ROBO2: variants seen among roughly 807,000 people sequenced by gnomAD.
ROBO2 encodes the protein roundabout guidance receptor 2.
Under a neutral mutation model 160.8 loss-of-function variants are expected in ROBO2, and 53 were observed. That is an observed-to-expected ratio of 0.33 (90% CI 0.26 to 0.41). The LOEUF (loss-of-function observed/expected upper bound fraction) is 0.41. ROBO2 is among the 10% of genes least tolerant of loss of function. The probability of loss-of-function intolerance (pLI) is 1.00; values close to 1 mark genes in which losing one functional copy is unlikely to be tolerated. For synonymous variants in ROBO2, 664 were observed against 611.7 expected (o/e 1.09, Z -1.26); for missense variants, 1,577 against 1,722.4 (o/e 0.92, Z 1.49).
intron 16 of ROBO2, among the ~76,000 whole-genome samples, 182 bp from the exon 18 acceptor site, chr3:77,588,569 C>T (rs563425586): frequency 6.6e-6 from 1 of 152,196 alleles, no homozygotes; most frequent in South Asian, 2.1e-4. Context: ...CATTTGCAAA[C>T]TCACGATTTG....
intron 2 of ROBO2, among the ~76,000 whole-genome samples, chr3:76,371,540 T>C (rs2076101403): frequency 6.6e-6 from 1 of 151,918 alleles, no homozygotes; most frequent in Non-Finnish European, 1.5e-5. Context: ...ACATACTGTA[T>C]TGACTGCACA....
At chr3:77,632,691 G>A (rs1404018414) in intron 23 of ROBO2, 1 of 1,503,972 alleles carries the variant, frequency 6.6e-7, no homozygotes, top group African/African-American at 1.4e-5. Context: ...CTTTGCATGA[G>A]AGAATCTTGT....
At chr3:76,008,328 G>C (rs1305800025) in intron 2 of ROBO2, among the ~76,000 whole-genome samples, 2 of 150,810 alleles carry the variant, frequency 1.3e-5, no homozygotes, top group Non-Finnish European at 2.9e-5. Context: ...TCTAATTTGT[G>C]CTTTTCTTTT....
intron 2 of ROBO2, among the ~76,000 whole-genome samples, chr3:76,296,446 C>T (rs1395278893): frequency 6.6e-6 from 1 of 152,198 alleles, no homozygotes; most frequent in Admixed American, 6.5e-5. Context: ...TCCATGAGTA[C>T]AGATGAGAAT....
intron 2 of ROBO2, among the ~76,000 whole-genome samples, chr3:76,073,217 A>G (rs191583956): frequency 6.8e-6 from 1 of 147,626 alleles, no homozygotes; most frequent in Non-Finnish European, 1.5e-5. Flanking sequence ...TAATTTCTTT[A>G]AACACTTAAT....
At chr3:77,295,249 A>C (rs1437331734) in intron 2 of ROBO2, among the ~76,000 whole-genome samples, 1 of 149,942 alleles carries the variant, frequency 6.7e-6, no homozygotes, top group Non-Finnish European at 1.5e-5. Context: ...GACATAAAGT[A>C]AAATTGACGA....
At chr3:76,027,943 A>G (rs1021658395) in intron 2 of ROBO2, among the ~76,000 whole-genome samples, 1 of 151,958 alleles carries the variant, frequency 6.6e-6, no homozygotes, top group African/African-American at 2.4e-5. Context: ...CAAGCAACCT[A>G]TTTTTGTTAG....
At chr3:76,178,019 A>T (rs959359888) in intron 2 of ROBO2, among the ~76,000 whole-genome samples, 2 of 152,190 alleles carry the variant, frequency 1.3e-5, no homozygotes, top group Admixed American at 1.3e-4. Context: ...CTGCCTAACA[A>T]CAAGCAACAT....
At chr3:76,216,451 A>T (rs146364483) in intron 2 of ROBO2, among the ~76,000 whole-genome samples, 3,322 of 152,310 alleles carry the variant, frequency 0.022, 151 homozygotes, top group African/African-American at 0.075. Context: ...CTCAAAATAA[A>T]GGGATGGAGG....
intron 2 of ROBO2, among the ~76,000 whole-genome samples, chr3:76,316,996 C>T (rs950236264): frequency 6.6e-6 from 1 of 152,186 alleles, no homozygotes. Flanking sequence ...ATGCTTCTAA[C>T]CTGCATGCTT....
At chr3:76,691,476 A>G (rs1024537856) in intron 2 of ROBO2, among the ~76,000 whole-genome samples, 6 of 151,502 alleles carry the variant, frequency 4.0e-5, no homozygotes, top group Non-Finnish European at 5.9e-5. Context: ...GGTGGAAGCT[A>G]AAAAAAAATT....
chr3:77,462,100 T>C (rs2082307224), intron 2 of ROBO2, among the ~76,000 whole-genome samples: 1 of 152,222 alleles, frequency 6.6e-6, no homozygotes, highest in Admixed American at 6.5e-5. Context: ...TTTTATAAAA[T>C]TGATAATTTT....
chr3:77,043,588 T>C (rs528547637), intron 1 of ROBO2, among the ~76,000 whole-genome samples: 1 of 152,344 alleles, frequency 6.6e-6, no homozygotes, highest in East Asian at 1.9e-4. Flanking sequence ...TTCTTATTGA[T>C]GCAGATTAAT....
At chr3:77,262,849 G>A (rs950753920) in intron 2 of ROBO2, among the ~76,000 whole-genome samples, 3 of 152,138 alleles carry the variant, frequency 2.0e-5, no homozygotes, top group African/African-American at 4.8e-5. Context: ...GTTGGATGGC[G>A]ATGATGGTGA....
chr3:76,179,870 G>T (rs1351123227), intron 2 of ROBO2, among the ~76,000 whole-genome samples: 1 of 152,092 alleles, frequency 6.6e-6, no homozygotes, highest in Non-Finnish European at 1.5e-5. Flanking sequence ...ATAAAGTGGT[G>T]ACTTCCAATT....
intron 1 of ROBO2, among the ~76,000 whole-genome samples, chr3:75,917,733 C>A (rs142177561): frequency 2.6e-3 from 401 of 152,256 alleles, no homozygotes; most frequent in African/African-American, 9.4e-3. Flanking sequence ...ACCATTCTAA[C>A]TGGTGTGAGA....
chr3:76,704,903 A>G (rs2093128300), intron 2 of ROBO2, among the ~76,000 whole-genome samples: 1 of 152,080 alleles, frequency 6.6e-6, no homozygotes, highest in South Asian at 2.1e-4. Flanking sequence ...TAATTAATTT[A>G]TTTTGCATCT....
At chr3:77,646,189 A>G in exon 26 of ROBO2, 1 of 542,562 alleles carries the variant, frequency 1.8e-6, no homozygotes, top group Non-Finnish European at 3.2e-6. Flanking sequence ...ATGTAAAGAC[A>G]CACAGCCACA....
At position 77,468,275 on chromosome 3, in the gene ROBO2, T is replaced by A. The variant is rs932967426; in HGVS notation, c.389-9139T>A. Among the ~76,000 whole-genome samples the A allele has an allele frequency of 3.9e-5, 6 of 152,220 alleles. No homozygotes were observed. The South Asian group carries it at 6.2e-4, about 16-fold the overall frequency. On this transcript the variant is annotated intron_variant, in intron 2 of 25. Coordinates refer to ENST00000461745, the Ensembl canonical transcript of ROBO2. ...TTCCAAGTGTTGAAGGCATGCCAAC[T>A]GCTGGCTCTTTAACTGCAAACCAAA...
Sources: gnomAD v4.1 joint callset for allele counts (sites outside exome capture counted in the v4.1 genomes callset) on GRCh38, gnomAD v4.1.1 for gene constraint, MANE v1.5 for transcripts, NCBI Gene and HGNC (gene_info 2026-07-23, HGNC 2026-07-21) for gene names.